The following RAB8B variants were observed in gnomAD, a reference collection of about 807,000 sequenced individuals.
The protein encoded by RAB8B is ras-related protein Rab-8B.
RAB8B carries 11 observed loss-of-function variants against 32.0 expected under a neutral mutation model. The ratio of observed to expected loss-of-function variants is 0.34; its 90% CI spans 0.22 to 0.57. The LOEUF is 0.57. RAB8B is among the 20% of genes least tolerant of loss of function. The pLI is 0.86. For missense variants in RAB8B, 190 were observed against 258.5 expected, an observed-to-expected ratio of 0.73 and a Z score of 1.82; for synonymous variants, 103 against 89.6, an observed-to-expected ratio of 1.15 and a Z score of -0.85.
At chr15:63,243,330 T>C (rs963048469) in intron 1 of RAB8B, among the ~76,000 whole-genome samples, 1 of 152,220 alleles carries the variant, frequency 6.6e-6, no homozygotes, top group Non-Finnish European at 1.5e-5. Flanking sequence ...TGCAAAAGAA[T>C]AGAAAAATCT....
chr15:63,192,522 A>T (rs1665037150), intron 1 of RAB8B, among the ~76,000 whole-genome samples: 1 of 152,200 alleles, frequency 6.6e-6, no homozygotes, highest in Admixed American at 6.5e-5. Flanking sequence ...ACAGCACTTG[A>T]TAAGCTCTGT....
intron 1 of RAB8B, among the ~76,000 whole-genome samples, chr15:63,210,246 G>A (rs992643087): frequency 6.6e-6 from 1 of 152,188 alleles, no homozygotes; most frequent in Non-Finnish European, 1.5e-5. Flanking sequence ...CAGTTTCTTT[G>A]CCTCTGGCCC....
In RAB8B at chr15:63,232,286, T is replaced by C. The variant is rs184107347; in HGVS notation, c.125-12470T>C. Among the ~76,000 whole-genome samples the C allele has an allele frequency of 3.9e-5, 6 of 152,330 alleles. No homozygotes were observed. The East Asian group carries it at 1.2e-3, about 29-fold the overall frequency. ...GATATATTAAGGGTTAATTAGATCATTATATTTTAACCTTACAAATTAAAG... is the reference window on the plus strand; with the variant it reads ...GATATATTAAGGGTTAATTAGATCACTATATTTTAACCTTACAAATTAAAG... On this transcript the variant is annotated intron_variant, in intron 1 of 7. Transcript: ENST00000321437.
In RAB8B at chr15:63,248,139, A is replaced by G. The variant is rs77807866; in HGVS notation, c.186-1506A>G. ...CCATGCATCTAATGCCGATCAAAGA[A>G]AATGACAGGATAAGATGGCTTTTTT... is the stretch of plus-strand genomic sequence containing the variant. On this transcript the variant is annotated intron_variant, in intron 2 of 7. Coordinates refer to ENST00000321437, the MANE Select transcript of RAB8B (RefSeq NM_016530.3). This position sits in a 1 kb window ranked among gnomAD's most constrained non-coding sequence, Gnocchi z 4.4. Among the ~76,000 whole-genome samples the G allele has an allele frequency of 8.9e-4, 135 of 152,354 alleles. 3 individuals carry two copies. In the East Asian group the frequency reaches 0.023, roughly 26 times the overall value.
chr15:63,236,744 A>G (rs1238771033), intron 1 of RAB8B, among the ~76,000 whole-genome samples: 1 of 152,256 alleles, frequency 6.6e-6, no homozygotes, highest in Non-Finnish European at 1.5e-5. Context: ...AAGCATTTTT[A>G]TCCTTTGTGT....
At chr15:63,258,368 G>T (rs1471154908) in intron 5 of RAB8B, among the ~76,000 whole-genome samples, 1 of 152,146 alleles carries the variant, frequency 6.6e-6, no homozygotes, top group Non-Finnish European at 1.5e-5. Flanking sequence ...CTCCCAAAGT[G>T]CTGGGATTAC....
intron 1 of RAB8B, among the ~76,000 whole-genome samples, chr15:63,198,908 A>G (rs1246342663): frequency 6.6e-6 from 1 of 152,242 alleles, no homozygotes; most frequent in Non-Finnish European, 1.5e-5. Context: ...TACAAAAAAA[A>G]GAGTTTGTGT....
intron 1 of RAB8B, among the ~76,000 whole-genome samples, chr15:63,205,600 C>T (rs1875692359): frequency 6.6e-6 from 1 of 152,202 alleles, no homozygotes; most frequent in African/African-American, 2.4e-5. Context: ...AGATTTTATT[C>T]TGACCATAGT....
rs1477767329 is a variant in RAB8B, at chr15:63,263,607, C to T, written c.612C>T (p.Cys204=). The part of the protein sequence containing the change: ...NRSKKTSFFR[C]SLL ...CAAAGAAGACCAGTTTCTTTCGTTGCTCGCTACTTTGATGAACTCTTTCTG... is the reference window on the plus strand; with the variant it reads ...CAAAGAAGACCAGTTTCTTTCGTTGTTCGCTACTTTGATGAACTCTTTCTG... Residue 204 remains cysteine (C), a synonymous_variant, in exon 8 of 8, where the codon TGC becomes TGT. Transcript: ENST00000321437. 1.2e-6 allele frequency: 2 copies of T among 1,607,820 alleles called. No homozygotes were observed. Among genetic ancestry groups the T allele is most frequent in the Non-Finnish European group, 1.7e-6 (2 of 1,174,386 alleles).
At chr15:63,251,596 C>G (rs2038117027) in intron 3 of RAB8B, among the ~76,000 whole-genome samples, 1 of 152,208 alleles carries the variant, frequency 6.6e-6, no homozygotes, top group Non-Finnish European at 1.5e-5. Context: ...ACTGCCTAGT[C>G]TTTCCTCACA....
intron 1 of RAB8B, among the ~76,000 whole-genome samples, chr15:63,242,104 A>G (rs1214597716): frequency 3.3e-5 from 5 of 151,002 alleles, no homozygotes; most frequent in Non-Finnish European, 5.9e-5. Flanking sequence ...GCAACCTAAT[A>G]TTTATTAATA....
chr15:63,215,060 A>G (rs1004929817), intron 1 of RAB8B, among the ~76,000 whole-genome samples: 2 of 152,152 alleles, frequency 1.3e-5, no homozygotes, highest in African/African-American at 4.8e-5. Flanking sequence ...ATTTGTGACC[A>G]AATACCATAT....
At chr15:63,212,160 G>A (rs187516103) in intron 1 of RAB8B, among the ~76,000 whole-genome samples, 34 of 152,230 alleles carry the variant, frequency 2.2e-4, no homozygotes, top group Admixed American at 2.0e-3. Flanking sequence ...TACACAGTGC[G>A]TTGTAGTCTT....
At chr15:63,245,488 G>T (rs2038063869) in intron 2 of RAB8B, among the ~76,000 whole-genome samples, 1 of 152,132 alleles carries the variant, frequency 6.6e-6, no homozygotes, top group Admixed American at 6.5e-5. Context: ...CCACCACCAG[G>T]TAATTCTCCA....
intron 1 of RAB8B, among the ~76,000 whole-genome samples, chr15:63,235,022 G>T (rs550261070): frequency 6.6e-6 from 1 of 152,130 alleles, no homozygotes; most frequent in Non-Finnish European, 1.5e-5. Flanking sequence ...TCCCTGCTCT[G>T]CCCCTCACTT....
intron 1 of RAB8B, among the ~76,000 whole-genome samples, chr15:63,193,015 G>A (rs1315389380): frequency 6.6e-6 from 1 of 152,156 alleles, no homozygotes; most frequent in Non-Finnish European, 1.5e-5. Context: ...TTGAGGCCAG[G>A]AGTTTGACAC....
intron 3 of RAB8B, among the ~76,000 whole-genome samples, chr15:63,255,073 C>T (rs879772499): frequency 6.6e-6 from 1 of 152,092 alleles, no homozygotes; most frequent in African/African-American, 2.4e-5. Flanking sequence ...AATTTTAAAG[C>T]AGTGTGGTCT....
chr15:63,204,472 A>G (rs911654104), intron 1 of RAB8B, among the ~76,000 whole-genome samples: 3 of 152,350 alleles, frequency 2.0e-5, no homozygotes, highest in Admixed American at 2.0e-4. Context: ...CACCCTGTCT[A>G]GAAGGGACAA....
At chr15:63,246,568 C>T (rs187234782) in intron 2 of RAB8B, among the ~76,000 whole-genome samples, 4 of 152,332 alleles carry the variant, frequency 2.6e-5, no homozygotes, top group African/African-American at 7.2e-5. Flanking sequence ...AACTTCCACA[C>T]TTCCTTCCTT....
Sources: gnomAD v4.1 joint callset for allele counts (sites outside exome capture counted in the v4.1 genomes callset) on GRCh38, gnomAD v4.1.1 for gene constraint, Gnocchi (gnomAD v3.1) non-coding constraint, MANE v1.5 for transcripts, NCBI Gene and HGNC (gene_info 2026-07-23, HGNC 2026-07-21) for gene names.